NAALADL2: variants seen among roughly 807,000 people sequenced by gnomAD.
NAALADL2 encodes the protein inactive N-acetylated-alpha-linked acidic dipeptidase-like protein 2.
NAALADL2 carries 76 observed loss-of-function variants against 87.2 expected under a neutral mutation model. The ratio of observed to expected loss-of-function variants is 0.87; its 90% CI spans 0.72 to 1.05. The LOEUF (loss-of-function observed/expected upper bound fraction) is 1.05. Among genes scored for constraint, NAALADL2 ranks in the 50% least tolerant of loss-of-function variants. The pLI is 0.00. For synonymous variants in NAALADL2, 354 were observed against 331.0 expected (o/e 1.07, Z -0.75); for missense variants, 1,089 against 945.8 (o/e 1.15, Z -1.99).
intron 1 of NAALADL2, among the ~76,000 whole-genome samples, chr3:174,491,441 T>C (rs1718187704): frequency 6.6e-6 from 1 of 152,186 alleles, no homozygotes; most frequent in African/African-American, 2.4e-5. Context: ...TTTAATACTC[T>C]TTGGAAGTAT....
At chr3:175,367,467 G>A (rs1358098347) in intron 5 of NAALADL2, among the ~76,000 whole-genome samples, 2 of 152,088 alleles carry the variant, frequency 1.3e-5, no homozygotes, top group East Asian at 1.9e-4. Context: ...CCATTTTCAC[G>A]ATACTGATTC....
chr3:174,825,096 C>G (rs1721837821), intron 3 of NAALADL2, among the ~76,000 whole-genome samples: 1 of 151,978 alleles, frequency 6.6e-6, no homozygotes, highest in Admixed American at 6.6e-5. Context: ...GTATTATTTT[C>G]CAGAAAAATA....
At chr3:174,892,358 TA>T (rs1404037290) in intron 1 of NAALADL2, among the ~76,000 whole-genome samples, 29 of 152,176 alleles carry the variant, frequency 1.9e-4, no homozygotes, top group African/African-American at 6.5e-4. Context: ...TTCTATCCGA[TA>T]AATTAAACGA....
intron 1 of NAALADL2, among the ~76,000 whole-genome samples, chr3:174,456,716 A>T (rs932030994): frequency 3.3e-5 from 5 of 152,108 alleles, no homozygotes; most frequent in African/African-American, 1.2e-4. Context: ...AAAAAAATCA[A>T]CTCAAGATGG....
intron 2 of NAALADL2, among the ~76,000 whole-genome samples, chr3:174,736,810 C>G (rs893468202): frequency 6.6e-6 from 1 of 152,174 alleles, no homozygotes; most frequent in Non-Finnish European, 1.5e-5. Flanking sequence ...TCTTCCCTTG[C>G]CACCCAGGCT....
At chr3:174,947,211 TA>T (rs1164025031) in intron 1 of NAALADL2, among the ~76,000 whole-genome samples, 4 of 152,188 alleles carry the variant, frequency 2.6e-5, no homozygotes, top group African/African-American at 9.6e-5. Context: ...GGTTGTAGGT[TA>T]AAAGCAACTC....
At chr3:175,617,150 A>G (rs1725458971) in intron 10 of NAALADL2, among the ~76,000 whole-genome samples, 1 of 152,178 alleles carries the variant, frequency 6.6e-6, no homozygotes, top group South Asian at 2.1e-4. Flanking sequence ...GAAAAATATC[A>G]GGTTAAAGGC....
chr3:174,765,064 A>G (rs1713599644), intron 3 of NAALADL2, among the ~76,000 whole-genome samples: 1 of 151,948 alleles, frequency 6.6e-6, no homozygotes. Flanking sequence ...CAAGAAAATA[A>G]AAGTCAACCA....
At position 174,922,309 on chromosome 3, in the gene NAALADL2, T is replaced by TAAA. The variant is rs35627069; in HGVS notation, c.43+62876_43+62878dup. ...TGGGTGACAGAGTGAGACCTTATCT[T>TAAA]AAAAAAAAAAAAAAAAAAATTGTCT... On this transcript the variant is annotated intron_variant, in intron 1 of 13. Coordinates refer to ENST00000454872, the MANE Select transcript of NAALADL2 (RefSeq NM_207015.3). Among the ~76,000 whole-genome samples the TAAA allele has an allele frequency of 7.3e-5, 10 of 137,894 alleles. No individual in the cohort carries two copies. The East Asian group carries it at 1.9e-3, about 26-fold the overall frequency. 90.5% of individuals were successfully genotyped at this position (137,894 alleles called of 152,430 possible). A position where few individuals can be genotyped will look rare whatever the true frequency, so the allele number is the denominator to read the frequency against.
intron 3 of NAALADL2, among the ~76,000 whole-genome samples, chr3:174,762,542 C>T (rs910697497): frequency 6.6e-5 from 10 of 151,166 alleles, no homozygotes; most frequent in African/African-American, 2.4e-4. Context: ...TTCCCTTCTT[C>T]CTGGGCTAGG....
intron 1 of NAALADL2, among the ~76,000 whole-genome samples, chr3:174,996,251 A>C (rs929458062): frequency 6.6e-6 from 1 of 152,122 alleles, no homozygotes; most frequent in Non-Finnish European, 1.5e-5. Flanking sequence ...TAATCCCAGC[A>C]CTTTGGGAGG....
chr3:175,329,326 A>G (rs1276181641), intron 5 of NAALADL2, among the ~76,000 whole-genome samples: 1 of 152,178 alleles, frequency 6.6e-6, no homozygotes, highest in Non-Finnish European at 1.5e-5. Context: ...TTTATTTAAT[A>G]TTCCCAGTGT....
intron 2 of NAALADL2, among the ~76,000 whole-genome samples, chr3:174,602,480 G>T (rs1718547523): frequency 6.6e-6 from 1 of 151,988 alleles, no homozygotes; most frequent in Admixed American, 6.6e-5. Flanking sequence ...CAACTTTACT[G>T]AATTTGTTTA....
At chr3:175,176,765 A>AGATG (rs1266861953) in intron 2 of NAALADL2, among the ~76,000 whole-genome samples, 1 of 152,054 alleles carries the variant, frequency 6.6e-6, no homozygotes, top group Non-Finnish European at 1.5e-5. Context: ...CAAGGAATGC[A>AGATG]GATGGACCTT....
intron 2 of NAALADL2, among the ~76,000 whole-genome samples, chr3:175,101,788 C>T (rs979875342): frequency 6.6e-5 from 10 of 150,892 alleles, no homozygotes; most frequent in East Asian, 1.9e-4. Flanking sequence ...TGACAGCTGT[C>T]GATGCTGTGA....
chr3:174,924,408 T>C (rs1479721546), intron 1 of NAALADL2, among the ~76,000 whole-genome samples: 1 of 152,098 alleles, frequency 6.6e-6, no homozygotes, highest in African/African-American at 2.4e-5. Flanking sequence ...TTTTTATGGC[T>C]GCATAGTATT....
rs1330513277 is a variant in NAALADL2 at position 175,693,722 on chromosome 3, CAG to C, written c.1897-43581_1897-43580del. Reference sequence around the variant, plus strand: ...GGGTTGGTTGGTTTGTTCGTTTTGACAGAGTCTTGCTCTTTCGCCAGGCTGGG... The same window carrying C: ...GGGTTGGTTGGTTTGTTCGTTTTGACAGTCTTGCTCTTTCGCCAGGCTGGG... On this transcript the variant is annotated intron_variant, in intron 11 of 13. Coordinates refer to ENST00000454872, the MANE Select transcript of NAALADL2 (RefSeq NM_207015.3). 1.3e-4 allele frequency among the ~76,000 whole-genome samples: 20 copies of C among 152,194 alleles called. No homozygotes were observed. The East Asian group carries it at 3.5e-3, about 26-fold the overall frequency.
intron 11 of NAALADL2, among the ~76,000 whole-genome samples, chr3:175,732,220 G>T (rs1160699681): frequency 6.6e-6 from 1 of 152,118 alleles, no homozygotes; most frequent in African/African-American, 2.4e-5. Flanking sequence ...ACAACAGGCA[G>T]GCTAATAGGA....
intron 4 of NAALADL2, among the ~76,000 whole-genome samples, chr3:175,316,102 G>C (rs751787485): frequency 2.0e-5 from 3 of 152,136 alleles, no homozygotes; most frequent in Admixed American, 6.5e-5. Flanking sequence ...CCAAGGCATA[G>C]AAAAATTATG....
Sources: allele counts gnomAD v4.1 joint callset (sites outside exome capture counted in the v4.1 genomes callset), GRCh38; gene constraint gnomAD v4.1.1; transcripts MANE v1.5; gene names NCBI Gene and HGNC (gene_info 2026-07-23, HGNC 2026-07-21).